Variants in EPHA3 observed in about 807,000 individuals in gnomAD.
EPHA3 encodes the protein ephrin type-A receptor 3.
Under a neutral mutation model 107.1 loss-of-function variants are expected in EPHA3, and 42 were observed. That is an observed-to-expected ratio of 0.39 (90% CI 0.31 to 0.51). The LOEUF is 0.51. Ranked by LOEUF, EPHA3 falls within the 20% of genes least tolerant of loss-of-function variation. The probability of loss-of-function intolerance (pLI) is 0.78; values close to 1 mark genes in which losing one functional copy is unlikely to be tolerated. For synonymous variants in EPHA3, 461 were observed against 424.8 expected (o/e 1.09, Z -1.05); for missense variants, 1,183 against 1,211.2 (o/e 0.98, Z 0.35).
chr3:89,383,758 C>G (rs557076823), intron 5 of EPHA3, among the ~76,000 whole-genome samples: 1 of 148,826 alleles, frequency 6.7e-6, no homozygotes, highest in African/African-American at 2.5e-5. Context: ...ACGTCATTCT[C>G]CTGCCTCAGC....
intron 3 of EPHA3, among the ~76,000 whole-genome samples, chr3:89,339,310 G>T (rs1707462195): frequency 6.9e-6 from 1 of 145,226 alleles, no homozygotes; most frequent in South Asian, 2.2e-4. Flanking sequence ...GGCAGAGATT[G>T]CAGTGAGCCG....
chr3:89,453,606 G>A lies in EPHA3; in HGVS notation c.2690+3236G>A, dbSNP rs568072778. 4.6e-5 allele frequency among the ~76,000 whole-genome samples: 7 copies of A among 152,204 alleles called. No individual in the cohort carries two copies. In the East Asian group the frequency reaches 1.4e-3, roughly 29 times the overall value. On this transcript the variant is annotated intron_variant, in intron 15 of 16. Coordinates refer to ENST00000336596, the MANE Select transcript of EPHA3 (RefSeq NM_005233.6). ...TTATTACCATTAAAATGCACGATGG[G>A]TTAGATTTTGTCATAATACATTTAT...
At chr3:89,406,264 T>G (rs529427559) in intron 7 of EPHA3, among the ~76,000 whole-genome samples, 1 of 152,282 alleles carries the variant, frequency 6.6e-6, no homozygotes, top group South Asian at 2.1e-4. Context: ...GAATCAGCAC[T>G]GCCTGTGTGT....
intron 5 of EPHA3, among the ~76,000 whole-genome samples, chr3:89,376,612 T>C (rs1708409891): frequency 6.6e-6 from 1 of 152,020 alleles, no homozygotes; most frequent in African/African-American, 2.4e-5. Flanking sequence ...GATTTTTATA[T>C]TCATATTTAA....
intron 3 of EPHA3, among the ~76,000 whole-genome samples, chr3:89,334,339 G>T (rs918346931): frequency 7.9e-5 from 12 of 152,132 alleles, no homozygotes; most frequent in Non-Finnish European, 1.6e-4. Flanking sequence ...TCATTTCCTT[G>T]TTCTGTTGCC....
At chr3:89,182,736 T>A (rs1705471416) in intron 2 of EPHA3, among the ~76,000 whole-genome samples, 1 of 151,886 alleles carries the variant, frequency 6.6e-6, no homozygotes, top group African/African-American at 2.4e-5. Flanking sequence ...TGAGGTATAA[T>A]CAACAAAAAC....
At chr3:89,380,771 CTT>C (rs11294288) in intron 5 of EPHA3, among the ~76,000 whole-genome samples, 1,860 of 135,400 alleles carry the variant, frequency 0.014, 30 homozygotes, top group African/African-American at 0.042. Flanking sequence ...TAGGTAGTAG[CTT>C]TTTTTTTTTT....
At chr3:89,316,469 GTA>G (rs1245895475) in intron 3 of EPHA3, among the ~76,000 whole-genome samples, 15 of 130,902 alleles carry the variant, frequency 1.1e-4, no homozygotes, top group East Asian at 9.2e-4. Flanking sequence ...AGTATACACT[GTA>G]TATATATGTG....
At chr3:89,279,737 T>C (rs1424384423) in intron 3 of EPHA3, among the ~76,000 whole-genome samples, 6 of 152,190 alleles carry the variant, frequency 3.9e-5, no homozygotes, top group Non-Finnish European at 8.8e-5. Flanking sequence ...ATTTGACTAC[T>C]AATTTATCTT....
chr3:89,470,237 G>A (rs1247377943), intron 15 of EPHA3, among the ~76,000 whole-genome samples: 2 of 151,900 alleles, frequency 1.3e-5, no homozygotes, highest in East Asian at 1.9e-4. Flanking sequence ...TACTTTTCAG[G>A]GTTGTTATAC....
At chr3:89,122,518 G>T (rs1412028334) in intron 1 of EPHA3, among the ~76,000 whole-genome samples, 1 of 152,074 alleles carries the variant, frequency 6.6e-6, no homozygotes, top group Non-Finnish European at 1.5e-5. Flanking sequence ...TGTATTATTA[G>T]GTAATTGGAA....
chr3:89,396,525 G>T (rs919700629), intron 6 of EPHA3, among the ~76,000 whole-genome samples: 1 of 151,908 alleles, frequency 6.6e-6, no homozygotes, highest in African/African-American at 2.4e-5. Flanking sequence ...AAAAAAATAG[G>T]CACATGGTTA....
chr3:89,203,733 C>T (rs1222109186), intron 2 of EPHA3, among the ~76,000 whole-genome samples: 5 of 151,846 alleles, frequency 3.3e-5, no homozygotes, highest in Non-Finnish European at 7.4e-5. Context: ...GCCGAGATCG[C>T]GCCACTGCAC....
chr3:89,372,468 A>G (rs987875733), intron 5 of EPHA3, among the ~76,000 whole-genome samples: 3 of 151,712 alleles, frequency 2.0e-5, no homozygotes, highest in African/African-American at 7.3e-5. Context: ...CTAATTGAAA[A>G]AAAAAAACTT....
chr3:89,202,387 A>T (rs1215535975), intron 2 of EPHA3, among the ~76,000 whole-genome samples: 1 of 151,266 alleles, frequency 6.6e-6, no homozygotes, highest in Non-Finnish European at 1.5e-5. Flanking sequence ...ATGGCGGTGC[A>T]TGCCTGTAAT....
rs532492607 is a variant in EPHA3 at position 89,352,632 on chromosome 3, G to T, written c.1306+10542G>T. ...TTAGAATCCACACTAGGCTAGGTGT[G>T]GTGGCTCATGTCTGTAATTCCAGCA... On this transcript the variant is annotated intron_variant, in intron 5 of 16. Transcript: ENST00000336596. Among the ~76,000 whole-genome samples, 126 of 151,176 alleles carry T rather than the reference G, an allele frequency of 8.3e-4. 4 individuals are homozygous for T. Among genetic ancestry groups the T allele is most frequent in the Non-Finnish European group, 1.2e-3 (80 of 67,538 alleles).
intron 3 of EPHA3, among the ~76,000 whole-genome samples, chr3:89,227,733 A>G (rs1178988459): frequency 1.3e-5 from 2 of 151,966 alleles, no homozygotes; most frequent in Admixed American, 1.3e-4. Context: ...TAAATACTTC[A>G]GGTAAATTCA....
At chr3:89,243,869 T>C (rs1704969022) in intron 3 of EPHA3, among the ~76,000 whole-genome samples, 1 of 152,168 alleles carries the variant, frequency 6.6e-6, no homozygotes, top group Non-Finnish European at 1.5e-5. Context: ...GTTATCCCAC[T>C]GCCAGGACTC....
intron 5 of EPHA3, among the ~76,000 whole-genome samples, chr3:89,388,404 T>A (rs1708664698): frequency 6.6e-6 from 1 of 152,108 alleles, no homozygotes. Context: ...AAGGAGCAAC[T>A]ATACTGTAAG....
Sources: gnomAD v4.1 joint callset for allele counts (sites outside exome capture counted in the v4.1 genomes callset) on GRCh38, gnomAD v4.1.1 for gene constraint, MANE v1.5 for transcripts, NCBI Gene and HGNC (gene_info 2026-07-23, HGNC 2026-07-21) for gene names.